Variants in CA6 observed in about 807,000 individuals in gnomAD.
CA6 encodes the protein carbonate dehydratase VI.
CA6 carries 28 observed loss-of-function variants against 35.9 expected under a neutral mutation model. The observed-to-expected ratio is 0.78, with a 90% CI of 0.58 to 1.07. The LOEUF (loss-of-function observed/expected upper bound fraction) is 1.07, where lower values mean the gene tolerates loss of function less well. Ranked by LOEUF, CA6 falls within the 50% of genes least tolerant of loss-of-function variation. CA6 has a pLI of 0.00. For missense variants in CA6, 377 were observed against 382.0 expected, an observed-to-expected ratio of 0.99 and a Z score of 0.11; for synonymous variants, 148 against 152.6, an observed-to-expected ratio of 0.97 and a Z score of 0.22.
At position 8,974,713 on chromosome 1, in the gene CA6, A is replaced by C; in HGVS notation, c.*9A>C. 6.4e-7 allele frequency: 1 copy of C among 1,563,088 alleles called. No individual in the cohort carries two copies. The highest frequency in any genetic ancestry group is 8.7e-7 in the Non-Finnish European group (1 of 1,145,938). On this transcript the variant is annotated 3_prime_UTR_variant, in exon 8 of 8. Transcript: ENST00000377443. Reference sequence around the variant, plus strand: ...GAAGAGCATTGAACTGAGGAAAGCTAAGAGGAAGATTCAATATTAACTAGC... The same window carrying C: ...GAAGAGCATTGAACTGAGGAAAGCTCAGAGGAAGATTCAATATTAACTAGC...
In CA6 at chr1:8,951,354, T is replaced by C. The variant is rs1639527678; in HGVS notation, c.259+1912T>C. The C allele has an allele frequency of 1.6e-5, 11 of 683,100 alleles. No homozygotes were observed. In the East Asian group the frequency reaches 2.8e-4, roughly 17 times the overall value. 42.3% of individuals were successfully genotyped at this position (683,100 alleles called of 1,614,324 possible). ...CAGGAGCCCTGAAATACACAAAGAA[T>C]GAACAAAAGCCTCATTTTCATCATA... is the stretch of plus-strand genomic sequence containing the variant. On this transcript the variant is annotated intron_variant, in intron 2 of 7. Coordinates refer to ENST00000377443, the MANE Select transcript of CA6 (RefSeq NM_001215.4).
rs147568153 is a variant in CA6, at chr1:8,951,324, G to A, written c.259+1882G>A. The A allele has an allele frequency of 4.7e-5, 29 of 618,504 alleles. No homozygotes were observed. The East Asian group carries it at 7.8e-4, about 17-fold the overall frequency. 38.3% of individuals were successfully genotyped at this position (618,504 alleles called of 1,614,324 possible). ...TGTCTGTAAAAGGACTCAGGTTTAT[G>A]TGGCCAGGAGCCCTGAAATACACAA... On this transcript the variant is annotated intron_variant, in intron 2 of 7. Transcript: ENST00000377443.
At position 8,957,669 on chromosome 1, in the gene CA6, C is replaced by T. The variant is rs767781910; in HGVS notation, c.408+384C>T. Among the ~76,000 whole-genome samples, 144 of 151,772 alleles carry T rather than the reference C, an allele frequency of 9.5e-4. 1 individual carries two copies. Among genetic ancestry groups the T allele is most frequent in the Admixed American group, 1.8e-3 (27 of 15,252 alleles). ...ACTTTTCTTATTAAAATAGCCAAGG[C>T]CAGGTGCACTGGCTCACGCCTGTAA... On this transcript the variant is annotated intron_variant, in intron 3 of 7. Transcript: ENST00000377443.
Position 8,957,282 on chromosome 1 carries a change from C to T in CA6, c.405C>T (p.Ile135=), listed in dbSNP as rs750306584. The part of the protein sequence containing the change: ...EHTVDGIRHV[I]EIHIVHYNSK... ...CCGTGGACGGGATCAGACATGTGATCGAGGTACCTGAGGACCCCCACTGTG... is the reference window on the plus strand; with the variant it reads ...CCGTGGACGGGATCAGACATGTGATTGAGGTACCTGAGGACCCCCACTGTG... The change falls in exon 3 of 8, where the codon ATC becomes ATT. Residue 135 remains isoleucine (I), a synonymous_variant. Coordinates refer to ENST00000377443, the MANE Select transcript of CA6 (RefSeq NM_001215.4). 20 of 1,610,038 alleles carry T rather than the reference C, an allele frequency of 1.2e-5. No homozygotes were observed. The highest frequency in any genetic ancestry group is 8.4e-5 in the Admixed American group (5 of 59,436).
intron 2 of CA6, among the ~76,000 whole-genome samples, chr1:8,953,642 A>AGTC (rs200439798): frequency 7.2e-5 from 11 of 151,902 alleles, no homozygotes; most frequent in Non-Finnish European, 1.2e-4. Flanking sequence ...TCAATCAGTC[A>AGTC]ATCAATCAAT....
chr1:8,951,647 G>T (rs779631042), intron 2 of CA6: 11 of 765,026 alleles, frequency 1.4e-5, no homozygotes, highest in Admixed American at 5.1e-5. Flanking sequence ...TTCCCAAGGG[G>T]CTTGCAGCGG....
chr1:8,949,272 T>C lies in CA6; in HGVS notation c.89T>C (p.Leu30Pro), dbSNP rs760053208. 6.2e-7 allele frequency: 1 copy of C among 1,600,358 alleles called. No individual in the cohort carries two copies. The highest frequency in any genetic ancestry group is 1.8e-5 in the Admixed American group (1 of 57,128). Residue 30 changes from leucine (L) to proline (P), a missense_variant, in exon 2 of 8, where the codon CTG becomes CCG. Coordinates refer to ENST00000377443, the MANE Select transcript of CA6 (RefSeq NM_001215.4). ...GTCTTTCCTGTCTTAGAAGGGGCAC[T>C]GGACGAAGCGCACTGGCCACAGCAC... is the stretch of plus-strand genomic sequence containing the variant. ...VSDWTYSEGA[L>P]DEAHWPQHYP...
chr1:8,966,562 A>G lies in CA6; in HGVS notation c.572-1097A>G, dbSNP rs539544526. On this transcript the variant is annotated intron_variant, in intron 5 of 7. Coordinates refer to ENST00000377443, the MANE Select transcript of CA6 (RefSeq NM_001215.4). ...GGAGGTTATATCTTGAAATCTTCCA[A>G]TAATAATCAAACTTAGAACTCTTTT... Among the ~76,000 whole-genome samples the G allele has an allele frequency of 3.3e-5, 5 of 152,320 alleles. No homozygotes were observed. In the South Asian group the frequency reaches 8.3e-4, roughly 25 times the overall value.
In CA6 at chr1:8,958,343, C is replaced by T. The variant is rs531192770; in HGVS notation, c.409-567C>T. Among the ~76,000 whole-genome samples the T allele has an allele frequency of 1.7e-3, 259 of 151,812 alleles. 2 individuals carry two copies. Among genetic ancestry groups the T allele is most frequent in the African/African-American group, 5.9e-3 (243 of 41,406 alleles). On this transcript the variant is annotated intron_variant, in intron 3 of 7. Transcript: ENST00000377443. ...CCACCATGGCCGGCTAATTTTTGTACTTTTAGTAGAGACGGGGTTTCGCCA... is the reference window on the plus strand; with the variant it reads ...CCACCATGGCCGGCTAATTTTTGTATTTTTAGTAGAGACGGGGTTTCGCCA...
intron 3 of CA6, among the ~76,000 whole-genome samples, chr1:8,957,613 T>A (rs1362124034): frequency 1.3e-5 from 2 of 151,552 alleles, no homozygotes; most frequent in African/African-American, 4.8e-5. Context: ...AGTGCTGGGA[T>A]TATAGGCGTG....
intron 1 of CA6, among the ~76,000 whole-genome samples, chr1:8,947,277 G>A (rs560344420): frequency 2.0e-5 from 3 of 152,146 alleles, no homozygotes; most frequent in East Asian, 1.9e-4. Context: ...TTCCATACGG[G>A]ACCATGGATT....
chr1:8,959,862 G>A (rs1050176020), intron 4 of CA6, among the ~76,000 whole-genome samples: 2 of 148,246 alleles, frequency 1.3e-5, no homozygotes, highest in Non-Finnish European at 3.0e-5. Context: ...AACCCGGGAG[G>A]TGGAGGTTGC....
chr1:8,960,782 AC>A (rs1332064889), intron 4 of CA6, among the ~76,000 whole-genome samples: 3 of 145,848 alleles, frequency 2.1e-5, no homozygotes, highest in Non-Finnish European at 1.5e-5. Flanking sequence ...ACACACACAC[AC>A]ACACACATAT....
At chr1:8,965,972 GTGGCTTCTACCTTT>G (rs1167457172) in intron 5 of CA6, among the ~76,000 whole-genome samples, 1 of 151,984 alleles carries the variant, frequency 6.6e-6, no homozygotes, top group East Asian at 1.9e-4. Flanking sequence ...GAACATTTTG[GTGGCTTCTACCTTT>G]TGGCTATTGT....
chr1:8,968,089 TC>T (rs777186304), intron 6 of CA6, among the ~76,000 whole-genome samples: 16 of 147,748 alleles, frequency 1.1e-4, no homozygotes, highest in Non-Finnish European at 1.6e-4. Flanking sequence ...TGCCTCAGCC[TC>T]CCGAGTAGCT....
At chr1:8,961,888 CT>C (rs1639850982) in intron 4 of CA6, among the ~76,000 whole-genome samples, 1 of 152,204 alleles carries the variant, frequency 6.6e-6, no homozygotes, top group Non-Finnish European at 1.5e-5. Context: ...AAGAAGGGAA[CT>C]TGTGAGATCA....
At chr1:8,967,620 G>T (rs571116119) in intron 5 of CA6, 39 bp from the exon 6 acceptor site, 5 of 1,599,330 alleles carry the variant, frequency 3.1e-6, no homozygotes, top group South Asian at 1.1e-5. Flanking sequence ...GGGCAGCGCT[G>T]GTCCCTGACA....
At chr1:8,962,859 C>G (rs148413156) in intron 5 of CA6, among the ~76,000 whole-genome samples, 1 of 152,326 alleles carries the variant, frequency 6.6e-6, no homozygotes, top group East Asian at 1.9e-4. Context: ...CTCTGAGAAG[C>G]CTGTGCATAA....
intron 7 of CA6, chr1:8,974,359 G>C (rs1454792033): frequency 1.3e-6 from 2 of 1,524,122 alleles, no homozygotes; most frequent in Non-Finnish European, 1.7e-6. Flanking sequence ...AAGGGCCACG[G>C]GGGGCATCGT....
Sources: allele counts gnomAD v4.1 joint callset (sites outside exome capture counted in the v4.1 genomes callset), GRCh38; gene constraint gnomAD v4.1.1; transcripts MANE v1.5; gene names NCBI Gene and HGNC (gene_info 2026-07-23, HGNC 2026-07-21).